The following ABI2 variants were observed in gnomAD, a reference collection of about 807,000 sequenced individuals.
The protein encoded by ABI2 is abelson interactor 2.
ABI2 carries 25 observed loss-of-function variants against 59.2 expected under a neutral mutation model. That is an observed-to-expected ratio of 0.42 (90% CI 0.31 to 0.59). ABI2 has a LOEUF of 0.59. Among genes scored for constraint, ABI2 ranks in the 20% least tolerant of loss-of-function variants. ABI2 has a pLI of 0.14. For synonymous variants in ABI2, 213 were observed against 235.5 expected, an observed-to-expected ratio of 0.90 and a Z score of 0.87; for missense variants, 545 against 681.8, an observed-to-expected ratio of 0.80 and a Z score of 2.23.
chr2:203,431,973 G>C lies in ABI2; in HGVS notation c.*4621G>C, dbSNP rs189946900. ...GTTGTACTTTTAGCTCCCAGAGGGA[G>C]AGTTGGTGGTATTATGAGTTGAGTA... On this transcript the variant is annotated 3_prime_UTR_variant, in exon 12 of 12. Transcript: ENST00000261018. The C allele has an allele frequency of 6.6e-6, 1 of 152,324 alleles. No homozygotes were observed. The highest frequency in any genetic ancestry group is 6.5e-5 in the Admixed American group (1 of 15,304). 9.4% of individuals were successfully genotyped at this position (152,324 alleles called of 1,614,324 possible). A position where few individuals can be genotyped will look rare whatever the true frequency, so the allele number is the denominator to read the frequency against.
chr2:203,412,232 A>G (rs1173199287), intron 10 of ABI2, among the ~76,000 whole-genome samples: 1 of 152,224 alleles, frequency 6.6e-6, no homozygotes, highest in Non-Finnish European at 1.5e-5. Flanking sequence ...CACTGCCAGT[A>G]CTAGAATGTA....
chr2:203,421,740 G>T (rs1164131301), intron 11 of ABI2, among the ~76,000 whole-genome samples: 1 of 152,090 alleles, frequency 6.6e-6, no homozygotes, highest in African/African-American at 2.4e-5. Context: ...GCCAAGGCCG[G>T]CAGATGACAA....
chr2:203,357,845 T>G lies in ABI2; in HGVS notation c.118-9032T>G, dbSNP rs1470857256. On this transcript the variant is annotated intron_variant, in intron 1 of 11. Coordinates refer to ENST00000261018, the MANE Select transcript of ABI2 (RefSeq NM_001375670.1). ...GTGCAGTGGCGCAGTCTTGGCTCAC[T>G]GCAGCCTCCGCCTCCTGGCTTCAAA... Among the ~76,000 whole-genome samples the G allele has an allele frequency of 2.0e-5, 3 of 152,228 alleles. No individual in the cohort carries two copies. In the East Asian group the frequency reaches 5.8e-4, roughly 29 times the overall value.
intron 2 of ABI2, among the ~76,000 whole-genome samples, chr2:203,378,917 C>G (rs1307940027): frequency 6.6e-6 from 1 of 152,052 alleles, no homozygotes; most frequent in Non-Finnish European, 1.5e-5. Flanking sequence ...AATAAACAGA[C>G]TTTTCAAGAA....
At chr2:203,358,071 TTGTGTGTGTGTGTGTGTGTGTG>T (rs71007506) in intron 1 of ABI2, among the ~76,000 whole-genome samples, 1 of 128,782 alleles carries the variant, frequency 7.8e-6, no homozygotes, top group Non-Finnish European at 1.6e-5. Context: ...CCTGGCCTGT[TTGTGTGTGTGTGTGTGTGTGTG>T]TGTGTGTGTG....
At chr2:203,328,905 C>A (rs1460451769) in intron 1 of ABI2, 6 of 279,446 alleles carry the variant, frequency 2.1e-5, no homozygotes, top group Non-Finnish European at 4.0e-5. Context: ...TCGGCCGCCC[C>A]CGCACTCCGC....
At chr2:203,385,007 G>A (rs2096411490) in intron 4 of ABI2, among the ~76,000 whole-genome samples, 1 of 151,372 alleles carries the variant, frequency 6.6e-6, no homozygotes, top group Non-Finnish European at 1.5e-5. Context: ...GCTAATTTGT[G>A]TACTTTTAGT....
chr2:203,396,836 C>T lies in ABI2; in HGVS notation c.902C>T (p.Ala301Val). 2 of 1,535,298 alleles carry T rather than the reference C, an allele frequency of 1.3e-6. No individual in the cohort carries two copies. The highest frequency in any genetic ancestry group is 1.7e-6 in the Non-Finnish European group (2 of 1,146,566). Reference protein sequence around the residue: ...TPPLPATSASAPAPLVPATVP... With the variant: ...TPPLPATSASVPAPLVPATVP... ...CCCCTTCCTGCTACTTCTGCATCTG[C>T]CCCTGCTCCTCTTGTTCCTGCTACT... Residue 301 changes from alanine to valine, a missense_variant, in exon 8 of 12, where the codon GCC becomes GTC. Coordinates refer to ENST00000261018, the MANE Select transcript of ABI2 (RefSeq NM_001375670.1).
At position 203,431,716 on chromosome 2, in the gene ABI2, A is replaced by C. The variant is rs1303291736; in HGVS notation, c.*4364A>C. ...ATTATTAAAAAAAAAAAACAATTAA[A>C]ACGAAACGGCGGGGCCTAGCTGTGT... On this transcript the variant is annotated 3_prime_UTR_variant, in exon 12 of 12. Coordinates refer to ENST00000261018, the MANE Select transcript of ABI2 (RefSeq NM_001375670.1). 6.6e-6 allele frequency: 1 copy of C among 151,924 alleles called. No individual in the cohort carries two copies. The highest frequency in any genetic ancestry group is 1.5e-5 in the Non-Finnish European group (1 of 67,962). 9.4% of individuals were successfully genotyped at this position (151,924 alleles called of 1,614,324 possible).
intron 1 of ABI2, among the ~76,000 whole-genome samples, chr2:203,356,796 C>T (rs1043971903): frequency 2.6e-5 from 4 of 151,992 alleles, no homozygotes; most frequent in Admixed American, 6.6e-5. Context: ...CTACCACACT[C>T]GGCAGCATAT....
chr2:203,372,100 G>A (rs1054158520), intron 2 of ABI2, among the ~76,000 whole-genome samples: 2 of 151,816 alleles, frequency 1.3e-5, no homozygotes, highest in Admixed American at 6.6e-5. Flanking sequence ...TGTGTCCCTG[G>A]GTACTTGAGA....
At chr2:203,397,004 T>C (rs1278291009) in intron 8 of ABI2, 37 bp downstream of exon 8, 1 of 1,354,432 alleles carries the variant, frequency 7.4e-7, no homozygotes, top group Admixed American at 3.5e-5. Flanking sequence ...GCAGATGCAG[T>C]CATCTGGCTA....
intron 9 of ABI2, 57 bp downstream of exon 9, chr2:203,402,791 C>T: frequency 7.1e-7 from 1 of 1,410,076 alleles, no homozygotes. Flanking sequence ...AAACCTTCAA[C>T]TACAAAAAAC....
chr2:203,385,544 G>C (rs751087973), intron 4 of ABI2, among the ~76,000 whole-genome samples: 7 of 152,166 alleles, frequency 4.6e-5, no homozygotes, highest in Admixed American at 2.0e-4. Context: ...TTAGCCCCAT[G>C]TTTAAAAAAT....
Position 203,430,608 on chromosome 2 carries a change from T to G in ABI2, c.*3256T>G, listed in dbSNP as rs1036197614. On this transcript the variant is annotated 3_prime_UTR_variant, in exon 12 of 12. Coordinates refer to ENST00000261018, the MANE Select transcript of ABI2 (RefSeq NM_001375670.1). ...TAAATATGAATCTTCTAAGCTATCT[T>G]GTTTAATATTTTCCATCATTTAGCT... is the stretch of plus-strand genomic sequence containing the variant. 6.6e-6 allele frequency: 1 copy of G among 152,194 alleles called. No homozygotes were observed. Among genetic ancestry groups the G allele is most frequent in the African/African-American group, 2.4e-5 (1 of 41,460 alleles). 9.4% of individuals were successfully genotyped at this position (152,194 alleles called of 1,614,324 possible).
At chr2:203,383,154 T>TA (rs1336702201) in intron 4 of ABI2, 1 of 154,810 alleles carries the variant, frequency 6.5e-6, no homozygotes, top group Non-Finnish European at 1.5e-5. Context: ...GCCATATCTT[T>TA]AGTGTAGAAA....
intron 6 of ABI2, 47 bp from the exon 7 acceptor site, chr2:203,395,609 C>A: frequency 6.3e-7 from 1 of 1,580,054 alleles, no homozygotes; most frequent in South Asian, 1.2e-5. Context: ...CTGATGATCT[C>A]TTACTGTTTA....
chr2:203,363,611 C>G (rs1489058332), intron 1 of ABI2, among the ~76,000 whole-genome samples: 2 of 152,048 alleles, frequency 1.3e-5, no homozygotes, highest in Non-Finnish European at 2.9e-5. Flanking sequence ...TTTTAACTCC[C>G]ACAAATAAGT....
At chr2:203,330,526 CATGTAGTTA>C (rs1443137749) in intron 1 of ABI2, among the ~76,000 whole-genome samples, 1 of 151,944 alleles carries the variant, frequency 6.6e-6, no homozygotes, top group Non-Finnish European at 1.5e-5. Flanking sequence ...AAATTAATAC[CATGTAGTTA>C]ATTTATACTC....
Sources: gnomAD v4.1 joint callset for allele counts (sites outside exome capture counted in the v4.1 genomes callset) on GRCh38, gnomAD v4.1.1 for gene constraint, MANE v1.5 for transcripts, NCBI Gene and HGNC (gene_info 2026-07-23, HGNC 2026-07-21) for gene names.